The following C3orf70 variants were observed in gnomAD, a reference collection of about 807,000 sequenced individuals.
C3orf70 encodes the protein chromosome 3 open reading frame 70, also known as UPF0524 protein C3orf70.
C3orf70 carries 15 observed loss-of-function variants against 20.7 expected under a neutral mutation model. The observed-to-expected ratio is 0.72, with a 90% confidence interval of 0.48 to 1.11. C3orf70 has a LOEUF of 1.11. Ranked by LOEUF, C3orf70 falls within the 50% of genes most tolerant of loss-of-function variation. The pLI, the probability that C3orf70 is intolerant of heterozygous loss-of-function variation, is 0.00. For missense variants in C3orf70, 332 were observed against 317.6 expected (o/e 1.05, Z -0.34); for synonymous variants, 161 against 125.7 (o/e 1.28, Z -1.88).
At chr3:185,136,991 C>T (rs992880304) in intron 1 of C3orf70, among the ~76,000 whole-genome samples, 2 of 152,046 alleles carry the variant, frequency 1.3e-5, no homozygotes, top group South Asian at 2.1e-4. Context: ...CTTGAAAAGA[C>T]GAACCCACAA....
intron 1 of C3orf70, among the ~76,000 whole-genome samples, chr3:185,137,780 A>G (rs1178191297): frequency 6.6e-6 from 1 of 152,224 alleles, no homozygotes; most frequent in African/African-American, 2.4e-5. Flanking sequence ...TAACAAATGC[A>G]TATATTAGAA....
At position 185,113,402 on chromosome 3, in the gene C3orf70, C is replaced by T. The variant is rs546803074; in HGVS notation, c.197-29839G>A. On this transcript the variant is annotated intron_variant, in intron 1 of 1. Transcript: ENST00000335012. ...TTCTAAGAATAGAGGCTGAAGGAAA[C>T]AAGACTGCTTAAAGAGCATTTTCCT... Among the ~76,000 whole-genome samples the T allele has an allele frequency of 2.0e-5, 3 of 152,056 alleles. No individual in the cohort carries two copies. The South Asian group carries it at 6.2e-4, about 32-fold the overall frequency.
Position 185,083,574 on chromosome 3 carries a change from A to G in C3orf70, c.197-11T>C. 2 of 1,553,352 alleles carry G rather than the reference A, an allele frequency of 1.3e-6. No individual in the cohort carries two copies. Among genetic ancestry groups the G allele is most frequent in the Non-Finnish European group, 1.7e-6 (2 of 1,153,384 alleles). On this transcript the variant is annotated splice_polypyrimidine_tract_variant and intron_variant, in intron 1 of 1. Coordinates refer to ENST00000335012, the MANE Select transcript of C3orf70 (RefSeq NM_001025266.3). ...GATACATGTATTTGCCTGTGAAGACACAAAAAGACACTTGAAATCTATATT... is the reference window on the plus strand; with the variant it reads ...GATACATGTATTTGCCTGTGAAGACGCAAAAAGACACTTGAAATCTATATT...
At chr3:185,149,711 G>T (rs1321973995) in intron 1 of C3orf70, among the ~76,000 whole-genome samples, 1 of 152,208 alleles carries the variant, frequency 6.6e-6, no homozygotes, top group African/African-American at 2.4e-5. Flanking sequence ...TGAGGAGATT[G>T]TAACAGAGCA....
intron 1 of C3orf70, among the ~76,000 whole-genome samples, chr3:185,117,444 CACACACAGAAAGAG>C (rs1716201441): frequency 7.3e-6 from 1 of 136,672 alleles, no homozygotes; most frequent in African/African-American, 3.1e-5. Flanking sequence ...CACACACACA[CACACACAGAAAGAG>C]AGAGAGAGAG....
chr3:185,077,260 C>G lies in C3orf70; in HGVS notation c.*5747G>C, dbSNP rs1715214101. Among the ~76,000 whole-genome samples, 1 of 152,074 alleles carries G rather than the reference C, an allele frequency of 6.6e-6. No individual in the cohort carries two copies. The highest frequency in any genetic ancestry group is 6.6e-5 in the Admixed American group (1 of 15,266). On this transcript the variant is annotated 3_prime_UTR_variant, in exon 2 of 2. Coordinates refer to ENST00000335012, the MANE Select transcript of C3orf70 (RefSeq NM_001025266.3). ...GCACTAGTCTGTGGGAAGGTATCTG[C>G]TGGGTTAGGGGGATGGAGTAATGCA... is the stretch of plus-strand genomic sequence containing the variant.
intron 1 of C3orf70, among the ~76,000 whole-genome samples, chr3:185,141,118 T>A (rs1173036413): frequency 6.6e-6 from 1 of 152,150 alleles, no homozygotes; most frequent in East Asian, 1.9e-4. Context: ...CTTATCTCAG[T>A]CTTCCAGCTT....
intron 1 of C3orf70, among the ~76,000 whole-genome samples, chr3:185,096,750 A>G (rs1715717173): frequency 6.6e-6 from 1 of 152,100 alleles, no homozygotes; most frequent in South Asian, 2.1e-4. Context: ...TAACCTCCCC[A>G]TGCCCTCTCC....
intron 1 of C3orf70, among the ~76,000 whole-genome samples, chr3:185,111,565 G>A (rs1038972540): frequency 7.3e-4 from 111 of 152,268 alleles, no homozygotes; most frequent in African/African-American, 2.6e-3. Context: ...CAATAAAAAA[G>A]ACAATAAAAA....
At chr3:185,083,715 A>G (rs753226596) in intron 1 of C3orf70, 152 bp from the exon 2 acceptor site, 30 of 600,440 alleles carry the variant, frequency 5.0e-5, no homozygotes, top group Non-Finnish European at 6.8e-5. Flanking sequence ...TGGTATAGTC[A>G]ATGAAAAAGT....
intron 1 of C3orf70, among the ~76,000 whole-genome samples, chr3:185,117,418 TACACACACACAC>T (rs141665642): frequency 1.8e-3 from 238 of 135,218 alleles, no homozygotes; most frequent in Admixed American, 3.7e-3. Flanking sequence ...ACCACACACA[TACACACACACAC>T]ACACACACAC....
In C3orf70 at chr3:185,152,749, C is replaced by T. The variant is rs1226859261; in HGVS notation, c.75G>A (p.Ala25=). The change falls in exon 1 of 2, where the codon GCG becomes GCA. Residue 25 remains alanine, a synonymous_variant. Transcript: ENST00000335012. ...CGGGTCTGCGGGCGGCGCAACTCCG[C>T]GCCAGGGCCTGAGCCTCATCTAGTT... ...SEKLDEAQAL[A]RSCAARRPDF... 2 of 1,594,042 alleles carry T rather than the reference C, an allele frequency of 1.3e-6. No individual in the cohort carries two copies. Among genetic ancestry groups the T allele is most frequent in the Non-Finnish European group, 1.7e-6 (2 of 1,170,976 alleles).
rs543744858 is a variant in C3orf70 at position 185,083,080 on chromosome 3, G to A, written c.680C>T (p.Pro227Leu). ...EDYSPESSWE[P>L]DECTLLSPSQ... Reference sequence around the variant, plus strand: ...GGGGGAGAGAAGGGTGCACTCATCCGGTTCCCAGCTGCTCTCTGGACTGTA... The same window carrying A: ...GGGGGAGAGAAGGGTGCACTCATCCAGTTCCCAGCTGCTCTCTGGACTGTA... Residue 227 changes from proline (P) to leucine (L), a missense_variant, in exon 2 of 2, where the codon CCG becomes CTG. Coordinates refer to ENST00000335012, the MANE Select transcript of C3orf70 (RefSeq NM_001025266.3). 20 of 1,612,876 alleles carry A rather than the reference G, an allele frequency of 1.2e-5. No individual in the cohort carries two copies. The highest frequency in any genetic ancestry group is 1.7e-4 in the Middle Eastern group (1 of 6,050).
intron 1 of C3orf70, among the ~76,000 whole-genome samples, chr3:185,112,968 T>C (rs916534100): frequency 6.6e-6 from 1 of 152,168 alleles, no homozygotes; most frequent in Non-Finnish European, 1.5e-5. Context: ...TATTTCAAAC[T>C]TGAGTCACTG....
chr3:185,132,353 C>T (rs766971495), intron 1 of C3orf70, among the ~76,000 whole-genome samples: 14 of 151,002 alleles, frequency 9.3e-5, no homozygotes, highest in Non-Finnish European at 1.3e-4. Flanking sequence ...AAACAAGTAA[C>T]TATTAAAAAT....
chr3:185,128,887 T>A (rs895109696), intron 1 of C3orf70, among the ~76,000 whole-genome samples: 20 of 152,158 alleles, frequency 1.3e-4, no homozygotes, highest in African/African-American at 4.6e-4. Context: ...AACTTAGAGG[T>A]AATTTCTATC....
intron 1 of C3orf70, among the ~76,000 whole-genome samples, chr3:185,119,259 G>C (rs528100329): frequency 1.1e-3 from 163 of 152,228 alleles, no homozygotes; most frequent in African/African-American, 3.7e-3. Context: ...CCAATAAAGG[G>C]TACAAACTTG....
At chr3:185,131,145 T>C (rs1297352336) in intron 1 of C3orf70, among the ~76,000 whole-genome samples, 1 of 152,244 alleles carries the variant, frequency 6.6e-6, no homozygotes, top group Non-Finnish European at 1.5e-5. Flanking sequence ...ATTACTGCCA[T>C]GCCAGCTGGT....
chr3:185,102,853 A>G (rs1715848873), intron 1 of C3orf70, among the ~76,000 whole-genome samples: 1 of 152,262 alleles, frequency 6.6e-6, no homozygotes, highest in African/African-American at 2.4e-5. Context: ...GGCTACCCAT[A>G]TGCAGAAGAC....
Sources: allele counts gnomAD v4.1 joint callset (sites outside exome capture counted in the v4.1 genomes callset), GRCh38; gene constraint gnomAD v4.1.1; transcripts MANE v1.5; gene names NCBI Gene and HGNC (gene_info 2026-07-23, HGNC 2026-07-21).